PGM2: variants seen among roughly 807,000 people sequenced by gnomAD.
The protein encoded by PGM2 is phosphoglucomutase 2, also known as phosphopentomutase.
Under a neutral mutation model 74.6 loss-of-function variants are expected in PGM2, and 57 were observed. The ratio of observed to expected loss-of-function variants is 0.76; its 90% confidence interval spans 0.62 to 0.95. PGM2 has a LOEUF of 0.95. PGM2 is among the 40% of genes least tolerant of loss of function. The pLI, the probability that PGM2 is intolerant of heterozygous loss-of-function variation, is 0.00. For synonymous variants in PGM2, 273 were observed against 260.7 expected, an observed-to-expected ratio of 1.05 and a Z score of -0.46; for missense variants, 706 against 741.9, an observed-to-expected ratio of 0.95 and a Z score of 0.56.
At chr4:37,827,473 G>A (rs1725323611) in intron 1 of PGM2, among the ~76,000 whole-genome samples, 1 of 151,738 alleles carries the variant, frequency 6.6e-6, no homozygotes, top group Non-Finnish European at 1.5e-5. Flanking sequence ...CTTGCGTCTC[G>A]CCCTTTCGAC....
intron 13 of PGM2, among the ~76,000 whole-genome samples, chr4:37,859,901 TC>T (rs1409012614): frequency 2.0e-5 from 3 of 152,206 alleles, no homozygotes; most frequent in Admixed American, 1.3e-4. Flanking sequence ...ATAGGATGTG[TC>T]CTGTTATTTT....
intron 13 of PGM2, among the ~76,000 whole-genome samples, chr4:37,856,636 G>A (rs111966231): frequency 8.0e-4 from 122 of 152,236 alleles, no homozygotes; most frequent in Admixed American, 2.8e-3. Flanking sequence ...GCTCAGTGCT[G>A]TCCTTAGTGT....
At chr4:37,861,132 A>G (rs1380038761) in intron 13 of PGM2, among the ~76,000 whole-genome samples, 1 of 152,140 alleles carries the variant, frequency 6.6e-6, no homozygotes, top group Non-Finnish European at 1.5e-5. Flanking sequence ...TGTTTATAAA[A>G]GTTTAGCAGG....
rs749368286 is a variant in PGM2 at position 37,850,195 on chromosome 4, A to G, written c.1424A>G (p.His475Arg). 3 of 1,558,636 alleles carry G rather than the reference A, an allele frequency of 1.9e-6. No homozygotes were observed. In the South Asian group the frequency reaches 3.6e-5, roughly 19 times the overall value. The change falls in exon 12 of 14, where the codon CAT (histidine) becomes CGT (arginine). Residue 475 changes from histidine (H) to arginine (R), a missense_variant. Coordinates refer to ENST00000381967, the MANE Select transcript of PGM2 (RefSeq NM_018290.4). ...TATTTGTTTGATAGGTATGGCTACC[A>G]TATTACTAAAGCTTCCTATTTTATC... is the stretch of plus-strand genomic sequence containing the variant. ...LKAIYVEYGYHITKASYFICH... is the reference protein window; with the variant it reads ...LKAIYVEYGYRITKASYFICH...
At position 37,839,896 on chromosome 4, in the gene PGM2, G is replaced by T; in HGVS notation, c.490G>T (p.Ala164Ser). 6.2e-7 allele frequency: 1 copy of T among 1,604,854 alleles called. No individual in the cohort carries two copies. The change falls in exon 5 of 14, where the codon GCA becomes TCA. Residue 164 changes from alanine (A) to serine (S), a missense_variant. Physicochemically the swap from Ala to Ser is moderately conservative, Grantham distance 99 (BLOSUM62 1). This residue lies in a region of PGM2 where 332 missense variants were observed against 334.9 expected (regional missense o/e 0.99). Coordinates refer to ENST00000381967, the MANE Select transcript of PGM2 (RefSeq NM_018290.4). ...ACTTTGTGCTGGAATCATGATAACT[G>T]CATCTCACAATCCAAAGCAGGATAA... is the stretch of plus-strand genomic sequence containing the variant. ...LKLCAGIMITASHNPKQDNGY... is the reference protein window; with the variant it reads ...LKLCAGIMITSSHNPKQDNGY...
At chr4:37,830,625 T>C (rs1725414444) in intron 2 of PGM2, among the ~76,000 whole-genome samples, 1 of 152,320 alleles carries the variant, frequency 6.6e-6, no homozygotes, top group African/African-American at 2.4e-5. Flanking sequence ...ACCCAGCTTT[T>C]AGGAAGGAGA....
intron 6 of PGM2, among the ~76,000 whole-genome samples, chr4:37,841,188 G>GT (rs60419379): frequency 0.25 from 34,439 of 140,386 alleles, 5,901 homozygotes; most frequent in African/African-American, 0.46. Flanking sequence ...GTGTGTGTGT[G>GT]GTTTGTTCTG....
intron 13 of PGM2, among the ~76,000 whole-genome samples, chr4:37,860,636 ACT>A (rs1357946463): frequency 6.6e-6 from 1 of 152,236 alleles, no homozygotes; most frequent in African/African-American, 2.4e-5. Flanking sequence ...ATTAAAATAA[ACT>A]CTGCATATAT....
rs1230047055 is a variant in PGM2 at position 37,830,050 on chromosome 4, G to A, written c.168G>A (p.Glu56=). The A allele has an allele frequency of 3.1e-6, 5 of 1,608,178 alleles. No homozygotes were observed. Among genetic ancestry groups the A allele is most frequent in the Non-Finnish European group, 3.4e-6 (4 of 1,177,248 alleles). The part of the protein sequence containing the change: ...ELRKCFGARM[E]FGTAGLRAAM... Reference sequence around the variant, plus strand: ...GAAAATGTTTTGGGGCCCGAATGGAGTTTGGGACAGCTGGCCTCCGAGCTG... The same window carrying A: ...GAAAATGTTTTGGGGCCCGAATGGAATTTGGGACAGCTGGCCTCCGAGCTG... The change falls in exon 2 of 14, where the codon GAG becomes GAA. Residue 56 remains glutamate, a synonymous_variant. Coordinates refer to ENST00000381967, the MANE Select transcript of PGM2 (RefSeq NM_018290.4).
chr4:37,844,213 A>C, intron 6 of PGM2, 151 bp from the exon 7 acceptor site: 2 of 432,916 alleles, frequency 4.6e-6, no homozygotes, highest in East Asian at 3.2e-5. Context: ...GAGGGAAGGA[A>C]TATATATATC....
At chr4:37,837,736 T>G (rs1560413745) in intron 4 of PGM2, 123 bp downstream of exon 4, 1 of 714,892 alleles carries the variant, frequency 1.4e-6, no homozygotes, top group Non-Finnish European at 2.6e-6. Context: ...TTCCTTGGCA[T>G]GTATGAGACA....
Position 37,848,667 on chromosome 4 carries a change from C to T in PGM2, c.1412+16C>T, listed in dbSNP as rs982421726. 1.3e-6 allele frequency: 2 copies of T among 1,589,180 alleles called. No individual in the cohort carries two copies. Among genetic ancestry groups the T allele is most frequent in the Non-Finnish European group, 1.7e-6 (2 of 1,160,862 alleles). ...TTTATGTGGAGTAAGTTGTTATTGACTCTGTTGGATTGAAATAATATTTTG... is the reference window on the plus strand; with the variant it reads ...TTTATGTGGAGTAAGTTGTTATTGATTCTGTTGGATTGAAATAATATTTTG... On this transcript the variant is annotated intron_variant, in intron 11 of 13. Coordinates refer to ENST00000381967, the MANE Select transcript of PGM2 (RefSeq NM_018290.4).
At chr4:37,835,296 C>T (rs1426333006) in intron 3 of PGM2, among the ~76,000 whole-genome samples, 1 of 152,126 alleles carries the variant, frequency 6.6e-6, no homozygotes, top group African/African-American at 2.4e-5. Flanking sequence ...GCAATTTAAG[C>T]CTAAGGACAC....
intron 13 of PGM2, among the ~76,000 whole-genome samples, chr4:37,858,732 T>A (rs540226813): frequency 1.1e-3 from 165 of 152,300 alleles, no homozygotes; most frequent in African/African-American, 3.7e-3. Flanking sequence ...AAATTTCAAT[T>A]ATTCATAGAA....
chr4:37,826,933 C>A, intron 1 of PGM2, 120 bp downstream of exon 1: 1 of 631,590 alleles, frequency 1.6e-6, no homozygotes, highest in Non-Finnish European at 2.7e-6. Flanking sequence ...CCGCTTCTCC[C>A]CCGGGAAGAC....
chr4:37,846,963 TGG>T lies in PGM2; in HGVS notation c.1044_1045del (p.Ala349ProfsTer47). 1 of 1,613,672 alleles carries T rather than the reference TGG, an allele frequency of 6.2e-7. No individual in the cohort carries two copies. The highest frequency in any genetic ancestry group is 8.5e-7 in the Non-Finnish European group (1 of 1,179,822). ...TGGAGGGTGTTTTCAGGCAATGAGTTGGGGGCCCTCCTGGGCTGGTGGCTTTT... is the reference window on the plus strand; with the variant it reads ...TGGAGGGTGTTTTCAGGCAATGAGTTGGGCCCTCCTGGGCTGGTGGCTTTT... On this transcript the variant is annotated frameshift_variant, in exon 9 of 14. Transcript: ENST00000381967. LOFTEE classifies it high-confidence loss of function.
rs569040855 is a variant in PGM2 at position 37,858,358 on chromosome 4, A to C, written c.1736+2617A>C. 4.6e-5 allele frequency among the ~76,000 whole-genome samples: 7 copies of C among 150,722 alleles called. No individual in the cohort carries two copies. The East Asian group carries it at 1.2e-3, about 25-fold the overall frequency. On this transcript the variant is annotated intron_variant, in intron 13 of 13. Transcript: ENST00000381967. ...TTGTTTTGTTTTTTGTTTTTTTTTT[A>C]AGACATCTCTCTCTGTTGCCCAGGC... is the stretch of plus-strand genomic sequence containing the variant.
chr4:37,839,942 T>G lies in PGM2; in HGVS notation c.525+11T>G. 6.4e-7 allele frequency: 1 copy of G among 1,554,758 alleles called. No homozygotes were observed. The highest frequency in any genetic ancestry group is 2.2e-5 in the East Asian group (1 of 44,574). The stretch of plus-strand genomic sequence containing the variant: ...GATAATGGTTATAAGGTATTTTCCT[T>G]TTTCTACTCCACACGTACATCCTTC... On this transcript the variant is annotated intron_variant, in intron 5 of 13. Transcript: ENST00000381967.
chr4:37,852,031 A>C (rs1302627186), intron 12 of PGM2, among the ~76,000 whole-genome samples: 1 of 141,230 alleles, frequency 7.1e-6, no homozygotes, highest in Non-Finnish European at 1.5e-5. Context: ...AGTGAATGGC[A>C]TGATCACAGC....
Sources: allele counts gnomAD v4.1 joint callset (sites outside exome capture counted in the v4.1 genomes callset), GRCh38; gene constraint gnomAD v4.1.1; regional missense constraint gnomAD v4.1.1; transcripts MANE v1.5; gene names NCBI Gene and HGNC (gene_info 2026-07-23, HGNC 2026-07-21).